RABL6: variants seen among roughly 807,000 people sequenced by gnomAD.
The protein encoded by RABL6 is RAB, member RAS oncogene family like 6, also known as rab-like protein 6.
RABL6 carries 28 observed loss-of-function variants against 72.9 expected under a neutral mutation model. That is an observed-to-expected ratio of 0.38 (90% CI 0.28 to 0.53). The LOEUF (loss-of-function observed/expected upper bound fraction) is 0.53, where lower values mean the gene tolerates loss of function less well. Ranked by LOEUF, RABL6 falls within the 20% of genes least tolerant of loss-of-function variation. The pLI, the probability that RABL6 is intolerant of heterozygous loss-of-function variation, is 0.80. For missense variants in RABL6, 1,029 were observed against 1,008.4 expected (o/e 1.02, Z -0.28); for synonymous variants, 477 against 421.2 (o/e 1.13, Z -1.62).
At chr9:136,833,564 G>A in intron 7 of RABL6, 2 of 1,009,124 alleles carry the variant, frequency 2.0e-6, no homozygotes, top group African/African-American at 3.4e-5. Context: ...CCTCACCCTG[G>A]GCTGCCCCAG....
intron 2 of RABL6, among the ~76,000 whole-genome samples, chr9:136,825,283 C>T (rs1444634249): frequency 6.6e-6 from 1 of 152,270 alleles, no homozygotes; most frequent in Non-Finnish European, 1.5e-5. Context: ...GAAGGTGACA[C>T]AGGCGGGCCC....
chr9:136,821,990 T>C (rs1263285815), intron 1 of RABL6: 8 of 1,288,422 alleles, frequency 6.2e-6, no homozygotes, highest in South Asian at 4.9e-5. Flanking sequence ...AGTTGGCGCG[T>C]TGAGGTACCT....
At chr9:136,811,448 T>A (rs1450314776) in intron 1 of RABL6, among the ~76,000 whole-genome samples, 2 of 151,662 alleles carry the variant, frequency 1.3e-5, no homozygotes, top group African/African-American at 4.8e-5. Flanking sequence ...CGAAACCCCG[T>A]CTCTACTAAA....
chr9:136,816,558 T>C (rs1357075629), intron 1 of RABL6, among the ~76,000 whole-genome samples: 1 of 151,876 alleles, frequency 6.6e-6, no homozygotes, highest in Non-Finnish European at 1.5e-5. Flanking sequence ...CTACTAAAAA[T>C]AACAAAAATT....
chr9:136,820,221 AAAATT>A (rs1588353331), intron 1 of RABL6, among the ~76,000 whole-genome samples: 1 of 150,180 alleles, frequency 6.7e-6, no homozygotes, highest in Admixed American at 6.6e-5. Flanking sequence ...AAAAAAAAAA[AAAATT>A]AGCTGGCAGA....
rs746440372 is a variant in RABL6 at position 136,839,386 on chromosome 9, C to T, written c.1658C>T (p.Ser553Leu). The change falls in exon 12 of 15, where the codon TCG becomes TTG. Residue 553 changes from serine (S) to leucine (L), a missense_variant. Transcript: ENST00000311502. ...GGGAAGGGTGAGCAGGCCTCCTCGTCGGAGAGTGACCCCGAGGGACCCATT... is the reference window on the plus strand; with the variant it reads ...GGGAAGGGTGAGCAGGCCTCCTCGTTGGAGAGTGACCCCGAGGGACCCATT... ...EPGKGEQASS[S>L]ESDPEGPIAA... is the part of the protein sequence containing the mutation. The T allele has an allele frequency of 1.3e-5, 21 of 1,612,418 alleles. No individual in the cohort carries two copies. Among genetic ancestry groups the T allele is most frequent in the Middle Eastern group, 1.6e-4 (1 of 6,082 alleles).
chr9:136,821,946 TGGCCGGC>T (rs1389106825), intron 1 of RABL6: 1 of 1,288,864 alleles, frequency 7.8e-7, no homozygotes, highest in Non-Finnish European at 1.0e-6. Flanking sequence ...GCCGCAGCGC[TGGCCGGC>T]GCCGAGATAT....
intron 1 of RABL6, among the ~76,000 whole-genome samples, chr9:136,823,177 G>C (rs1283120916): frequency 6.6e-6 from 1 of 152,056 alleles, no homozygotes; most frequent in Non-Finnish European, 1.5e-5. Flanking sequence ...AGCTCCTCAG[G>C]TGGTGGGCCC....
Position 136,840,410 on chromosome 9 carries a change from A to AGCG in RABL6, c.2081_2083dup (p.Arg694dup), listed in dbSNP as rs1226069691. ...AAGGAGGAGCGGCGACGGCGGCAGCAGCGGCCCCCGCGCAGCAGGGAGAGG... is the reference window on the plus strand; with the variant it reads ...AAGGAGGAGCGGCGACGGCGGCAGCAGCGGCGGCCCCCGCGCAGCAGGGAGAGG... On this transcript the variant is annotated inframe_insertion, in exon 15 of 15. Transcript: ENST00000311502. 48 of 1,550,548 alleles carry AGCG rather than the reference A, an allele frequency of 3.1e-5. No individual in the cohort carries two copies. Among genetic ancestry groups the AGCG allele is most frequent in the Non-Finnish European group, 4.1e-5 (47 of 1,147,146 alleles).
chr9:136,833,098 G>A (rs1848513175), intron 7 of RABL6: 1 of 293,024 alleles, frequency 3.4e-6, no homozygotes, highest in African/African-American at 2.5e-5. Flanking sequence ...GCCCCGCCTG[G>A]GTCTGGGGAC....
intron 1 of RABL6, among the ~76,000 whole-genome samples, chr9:136,818,021 C>T (rs1287505982): frequency 1.5e-5 from 2 of 137,670 alleles, no homozygotes; most frequent in African/African-American, 2.7e-5. Flanking sequence ...GAGATCGCGC[C>T]GCTGCACTCC....
At position 136,841,093 on chromosome 9, in the gene RABL6, C is replaced by T; in HGVS notation, c.*571C>T. ...GTTGTGTTTCCCACAGTGGCCTCAG[C>T]TGCGCCCCCGCTCAGGTGAGCCCGA... On this transcript the variant is annotated 3_prime_UTR_variant, in exon 15 of 15. Coordinates refer to ENST00000311502, the MANE Select transcript of RABL6 (RefSeq NM_024718.5). 7.3e-7 allele frequency: 1 copy of T among 1,377,508 alleles called. No homozygotes were observed. Among genetic ancestry groups the T allele is most frequent in the Non-Finnish European group, 9.4e-7 (1 of 1,060,956 alleles). 85.3% of individuals were successfully genotyped at this position (1,377,508 alleles called of 1,614,324 possible).
At position 136,839,369 on chromosome 9, in the gene RABL6, T is replaced by C; in HGVS notation, c.1641T>C (p.Gly547=). ...RPPAEMEPGK[G]EQASSSESDP... ...CTGCTGAGATGGAGCCGGGGAAGGG[T>C]GAGCAGGCCTCCTCGTCGGAGAGTG... Residue 547 remains glycine (G), a synonymous_variant, in exon 12 of 15, where the codon GGT becomes GGC. Transcript: ENST00000311502. The C allele has an allele frequency of 6.2e-7, 1 of 1,612,506 alleles. No homozygotes were observed. Among genetic ancestry groups the C allele is most frequent in the Non-Finnish European group, 8.5e-7 (1 of 1,179,720 alleles).
Position 136,839,728 on chromosome 9 carries a change from T to C in RABL6, c.1793T>C (p.Val598Ala). The change falls in exon 13 of 15, where the codon GTG becomes GCG. Residue 598 changes from valine to alanine, a missense_variant. Val to Ala is a moderately conservative substitution (Grantham distance 64, BLOSUM62 0). Around this residue, in one of 2 missense-constraint regions of RABL6, gnomAD observed 595 missense variants for 472.4 expected, o/e 1.26. Coordinates refer to ENST00000311502, the MANE Select transcript of RABL6 (RefSeq NM_024718.5). ...CCCGTGCGAGATGACCCCTCCGATG[T>C]GACTGACGAGGATGAGGGCCCTGCC... ...DFPVRDDPSD[V>A]TDEDEGPAEP... 6.2e-7 allele frequency: 1 copy of C among 1,606,902 alleles called. No individual in the cohort carries two copies. The highest frequency in any genetic ancestry group is 8.5e-7 in the Non-Finnish European group (1 of 1,175,972).
At chr9:136,835,941 A>T (rs1588370903) in intron 8 of RABL6, 96 bp downstream of exon 8, 2 of 1,213,078 alleles carry the variant, frequency 1.6e-6, no homozygotes, top group East Asian at 2.6e-5. Context: ...AGCAGAGGGG[A>T]GTGTCCCCTG....
chr9:136,831,972 G>A (rs369097592), intron 6 of RABL6, 111 bp downstream of exon 6: 46 of 1,417,642 alleles, frequency 3.2e-5, no homozygotes, highest in East Asian at 5.0e-5. Flanking sequence ...GGGGCCCGGC[G>A]GATGTGGGTC....
rs369964355 is a variant in RABL6, at chr9:136,839,298, G to A, written c.1570G>A (p.Val524Ile). Reference protein sequence around the residue: ...RTAAPPWPGGVSVRTGPEKRS... With the variant: ...RTAAPPWPGGISVRTGPEKRS... ...CGCAGCACCCCCCTGGCCAGGCGGT[G>A]TCTCTGTTCGCACAGGTCCGGAGAA... The change falls in exon 12 of 15, where the codon GTC becomes ATC. Residue 524 changes from valine to isoleucine, a missense_variant. Physicochemically the swap from Val to Ile is conservative, Grantham distance 29. This residue lies in a region of RABL6 where 595 missense variants were observed against 472.4 expected (regional missense o/e 1.26). Coordinates refer to ENST00000311502, the MANE Select transcript of RABL6 (RefSeq NM_024718.5). 6.2e-7 allele frequency: 1 copy of A among 1,611,920 alleles called. No individual in the cohort carries two copies. The highest frequency in any genetic ancestry group is 8.5e-7 in the Non-Finnish European group (1 of 1,179,562).
In RABL6 at chr9:136,840,484, G is replaced by T; in HGVS notation, c.2152G>T (p.Gly718Cys). The change falls in exon 15 of 15, where the codon GGC becomes TGC. Residue 718 changes from glycine to cysteine, a missense_variant. This residue lies in a region of RABL6 where 595 missense variants were observed against 472.4 expected (regional missense o/e 1.26). Transcript: ENST00000311502. ...EAFLGGGAPG[G>C]RHPGGGDYEE... ...TTTCCTGGGGGGCGGGGCCCCGGGC[G>T]GCCGCCACCCTGGGGGTGGCGACTA... 1 of 1,525,770 alleles carries T rather than the reference G, an allele frequency of 6.6e-7. No individual in the cohort carries two copies. The highest frequency in any genetic ancestry group is 1.4e-5 in the African/African-American group (1 of 71,538). 94.5% of individuals were successfully genotyped at this position (1,525,770 alleles called of 1,614,324 possible).
At chr9:136,819,406 A>G (rs993973297) in intron 1 of RABL6, among the ~76,000 whole-genome samples, 2 of 152,168 alleles carry the variant, frequency 1.3e-5, no homozygotes, top group African/African-American at 4.8e-5. Flanking sequence ...CAAGGGAACC[A>G]GAGCTGTAAC....
Sources: allele counts gnomAD v4.1 joint callset (sites outside exome capture counted in the v4.1 genomes callset), GRCh38; gene constraint gnomAD v4.1.1; regional missense constraint gnomAD v4.1.1; transcripts MANE v1.5; gene names NCBI Gene and HGNC (gene_info 2026-07-23, HGNC 2026-07-21).